GRXCR2: variants seen among roughly 807,000 people sequenced by gnomAD.
GRXCR2 encodes glutaredoxin domain-containing cysteine-rich protein 2.
A neutral mutation model predicts 24.8 loss-of-function variants in GRXCR2; 23 were observed. That is an observed-to-expected ratio of 0.93 (90% confidence interval 0.67 to 1.32). The LOEUF (loss-of-function observed/expected upper bound fraction) is 1.32, where lower values mean the gene tolerates loss of function less well. GRXCR2 is among the 40% of genes most tolerant of loss of function. The pLI is 0.00. For missense variants in GRXCR2, 315 were observed against 303.4 expected, an observed-to-expected ratio of 1.04 and a Z score of -0.28; for synonymous variants, 130 against 116.1, an observed-to-expected ratio of 1.12 and a Z score of -0.77.
At chr5:145,890,766 T>C (rs1469296974) in intron 2 of GRXCR2, among the ~76,000 whole-genome samples, 3 of 151,642 alleles carry the variant, frequency 2.0e-5, no homozygotes, top group Non-Finnish European at 4.4e-5. Flanking sequence ...AAATTTCACA[T>C]GTTAATATTA....
At chr5:145,891,478 G>A (rs1044522732) in intron 2 of GRXCR2, among the ~76,000 whole-genome samples, 10 of 152,310 alleles carry the variant, frequency 6.6e-5, no homozygotes, top group Middle Eastern at 3.4e-3. Flanking sequence ...GGCACACCAG[G>A]AGATTATATC....
At chr5:145,894,947 C>T (rs59452522) in intron 2 of GRXCR2, among the ~76,000 whole-genome samples, 7,370 of 152,084 alleles carry the variant, frequency 0.048, 571 homozygotes, top group African/African-American at 0.17. Flanking sequence ...ATGATCAAGT[C>T]GTCTTCATCC....
intron 2 of GRXCR2, among the ~76,000 whole-genome samples, chr5:145,911,923 T>C (rs1757172205): frequency 6.6e-6 from 1 of 152,032 alleles, no homozygotes; most frequent in Non-Finnish European, 1.5e-5. Flanking sequence ...ACCCCATCTG[T>C]ACAAAAAATA....
At chr5:145,882,795 G>A (rs1293077153) in intron 2 of GRXCR2, among the ~76,000 whole-genome samples, 2 of 152,036 alleles carry the variant, frequency 1.3e-5, no homozygotes, top group Admixed American at 1.3e-4. Context: ...GTGATAGACT[G>A]GATTAAGAAA....
rs761305184 is a variant in GRXCR2, at chr5:145,866,508, T to C, written c.557A>G (p.Tyr186Cys). Residue 186 changes from tyrosine to cysteine, a missense_variant, in exon 2 of 3, where the codon TAT becomes TGT. Coordinates refer to ENST00000377976, the MANE Select transcript of GRXCR2 (RefSeq NM_001080516.2). ...TCAAGCTCCCCAACGCACCTGTGTA[T>C]ACCGGTTTTGGGGTAATGTGCTTTC... ...EAESTLPQNRYTQEGDIPEDS... is the reference protein window; with the variant it reads ...EAESTLPQNRCTQEGDIPEDS... 1.4e-4 allele frequency: 228 copies of C among 1,612,478 alleles called. No homozygotes were observed. Among genetic ancestry groups the C allele is most frequent in the Non-Finnish European group, 1.8e-4 (212 of 1,178,598 alleles).
At chr5:145,919,428 T>C (rs1263207008) in intron 2 of GRXCR2, among the ~76,000 whole-genome samples, 1 of 152,132 alleles carries the variant, frequency 6.6e-6, no homozygotes, top group African/African-American at 2.4e-5. Flanking sequence ...CATAAGAAAA[T>C]GGTAGCCTCA....
intron 2 of GRXCR2, among the ~76,000 whole-genome samples, chr5:145,880,432 A>G (rs1483468749): frequency 2.0e-5 from 3 of 152,212 alleles, no homozygotes; most frequent in Non-Finnish European, 4.4e-5. Flanking sequence ...ATGCAAATAA[A>G]CTAGAAAATC....
chr5:145,884,998 G>A (rs909466004), intron 2 of GRXCR2, among the ~76,000 whole-genome samples: 8 of 152,202 alleles, frequency 5.3e-5, no homozygotes, highest in African/African-American at 7.2e-5. Context: ...ATCCTTTAGC[G>A]ATCTTTCCAC....
chr5:145,877,251 T>C (rs1425881205), upstream of GRXCR2, among the ~76,000 whole-genome samples: 1 of 151,970 alleles, frequency 6.6e-6, no homozygotes, highest in African/African-American at 2.4e-5. Context: ...AAAAATTATG[T>C]AGACATTTTT....
At chr5:145,906,262 C>A (rs920529902) in intron 2 of GRXCR2, among the ~76,000 whole-genome samples, 8 of 151,968 alleles carry the variant, frequency 5.3e-5, no homozygotes, top group African/African-American at 1.9e-4. Flanking sequence ...TTTCATTCCT[C>A]TGCATCACAG....
intron 2 of GRXCR2, among the ~76,000 whole-genome samples, chr5:145,886,272 C>T (rs1281492669): frequency 5.3e-5 from 8 of 152,172 alleles, no homozygotes; most frequent in African/African-American, 1.9e-4. Context: ...ATCTGTAAAT[C>T]TCCAGAATGG....
At chr5:145,858,017 C>T (rs1043281014), downstream of GRXCR2, among the ~76,000 whole-genome samples, 2 of 151,978 alleles carry the variant, frequency 1.3e-5, no homozygotes, top group Non-Finnish European at 2.9e-5. Flanking sequence ...ATATTCCTGT[C>T]GAAAAGCAGA....
intron 2 of GRXCR2, among the ~76,000 whole-genome samples, chr5:145,882,463 A>G (rs1190022939): frequency 6.6e-6 from 1 of 152,242 alleles, no homozygotes; most frequent in Non-Finnish European, 1.5e-5. Context: ...AATCAAAACC[A>G]CAATGAGATA....
chr5:145,921,676 C>A (rs1387450947), intron 2 of GRXCR2, among the ~76,000 whole-genome samples: 1 of 152,122 alleles, frequency 6.6e-6, no homozygotes, highest in Non-Finnish European at 1.5e-5. Flanking sequence ...TGGCTTTAAC[C>A]AGCTCCTCAC....
intron 2 of GRXCR2, among the ~76,000 whole-genome samples, chr5:145,896,124 A>T (rs1342145300): frequency 3.3e-5 from 5 of 152,184 alleles, no homozygotes; most frequent in Non-Finnish European, 5.9e-5. Flanking sequence ...CTTATACAAA[A>T]ATTAATTCAA....
intron 2 of GRXCR2, among the ~76,000 whole-genome samples, chr5:145,922,952 T>G (rs1472993528): frequency 6.6e-6 from 1 of 152,244 alleles, no homozygotes; most frequent in African/African-American, 2.4e-5. Context: ...GTGCAAGCAT[T>G]GCAGGTCCTT....
intron 2 of GRXCR2, among the ~76,000 whole-genome samples, chr5:145,921,564 C>T (rs1757320989): frequency 6.6e-6 from 1 of 152,196 alleles, no homozygotes; most frequent in Non-Finnish European, 1.5e-5. Flanking sequence ...ACCCAACTTT[C>T]CGGAGAAGCA....
intron 2 of GRXCR2, among the ~76,000 whole-genome samples, chr5:145,916,151 G>A (rs753808940): frequency 6.6e-6 from 1 of 152,124 alleles, no homozygotes; most frequent in Non-Finnish European, 1.5e-5. Context: ...TGCTTCTGCT[G>A]GGGCAGAAAT....
intron 2 of GRXCR2, among the ~76,000 whole-genome samples, chr5:145,863,846 C>A (rs1756383097): frequency 6.6e-6 from 1 of 152,132 alleles, no homozygotes; most frequent in Non-Finnish European, 1.5e-5. Context: ...CCAAAGACTT[C>A]TTACCAGCTG....
Sources: allele counts gnomAD v4.1 joint callset (sites outside exome capture counted in the v4.1 genomes callset), GRCh38; gene constraint gnomAD v4.1.1; transcripts MANE v1.5; gene names NCBI Gene and HGNC (gene_info 2026-07-23, HGNC 2026-07-21).